The following SLC22A2 variants were observed in gnomAD, a reference collection of about 807,000 sequenced individuals.
SLC22A2 encodes organic cation transporter 2.
A neutral mutation model predicts 60.5 loss-of-function variants in SLC22A2; 46 were observed. The ratio of observed to expected loss-of-function variants is 0.76; its 90% CI spans 0.60 to 0.97. The LOEUF is 0.97. Among genes scored for constraint, SLC22A2 ranks in the 50% least tolerant of loss-of-function variants. The pLI is 0.00. For synonymous variants in SLC22A2, 303 were observed against 267.0 expected (o/e 1.13, Z -1.31); for missense variants, 701 against 706.6 (o/e 0.99, Z 0.09).
Position 160,242,288 on chromosome 6 carries a change from A to C in SLC22A2, c.1388+6T>G. On this transcript the variant is annotated splice_donor_region_variant and intron_variant, in intron 8 of 10. Transcript: ENST00000366953. ...ACCCTCGTCATTCTAAGGAAAATGC[A>C]CTCACCTAATGAATGTGGGGTACAG... The C allele has an allele frequency of 6.8e-7, 1 of 1,476,054 alleles. No individual in the cohort carries two copies. The highest frequency in any genetic ancestry group is 9.5e-7 in the Non-Finnish European group (1 of 1,053,736). The allele number at this position is 1,476,054 out of a possible 1,614,324, so 91.4% of individuals were successfully genotyped here.
intron 9 of SLC22A2, among the ~76,000 whole-genome samples, chr6:160,227,392 T>C (rs1276166290): frequency 6.6e-6 from 1 of 152,196 alleles, no homozygotes; most frequent in African/African-American, 2.4e-5. Flanking sequence ...AATCTTTGAA[T>C]CCACCTATGA....
In SLC22A2 at chr6:160,247,297, A is replaced by C. The variant is rs144729356; in HGVS notation, c.844T>G (p.Cys282Gly). ...AGCCACCTGGGAGACTCAGGTATGC[A>C]CCTAGGGTACAAGGTGAGCGGAGGG... ...PNFFFLLYYW[C>G]IPESPRWLIS... is the part of the protein sequence containing the mutation. The change falls in exon 5 of 11, where the codon TGC (cysteine) becomes GGC (glycine). Residue 282 changes from cysteine (C) to glycine (G), a missense_variant and splice_region_variant. By Grantham distance (159) the Cys-to-Gly change is radical. Transcript: ENST00000366953. 603 of 1,555,574 alleles carry C rather than the reference A, an allele frequency of 3.9e-4. No individual in the cohort carries two copies. Among genetic ancestry groups the C allele is most frequent in the Non-Finnish European group, 5.2e-4 (582 of 1,126,708 alleles).
Position 160,249,335 on chromosome 6 carries a change from G to A in SLC22A2, c.723C>T (p.Tyr241=), listed in dbSNP as rs780478130. 3 of 1,613,372 alleles carry A rather than the reference G, an allele frequency of 1.9e-6. No homozygotes were observed. Among genetic ancestry groups the A allele is most frequent in the Non-Finnish European group, 2.5e-6 (3 of 1,179,716 alleles). ...RRYRRTVGIF[Y]QVAYTVGLLV... is the part of the protein sequence containing the mutation. ...GGAGCCCAACTGTATAGGCAACTTG[G>A]TAAAAAATCCCCACTGTTCTCCGAT... The change falls in exon 4 of 11, where the codon TAC becomes TAT. Residue 241 remains tyrosine, a synonymous_variant. Transcript: ENST00000366953.
rs753492942 is a variant in SLC22A2 at position 160,243,780 on chromosome 6, C to T, written c.1071G>A (p.Thr357=). Residue 357 remains threonine, a synonymous_variant, in exon 7 of 11, where the codon ACG becomes ACA. Coordinates refer to ENST00000366953, the MANE Select transcript of SLC22A2 (RefSeq NM_003058.4). ...TGAGGCCCTGGTAGAGCACAGAGCT[C>T]GTGAACCTGAGCAAAGAGGAGAGTT... ...HTMILMYNWF[T]SSVLYQGLIM... The T allele has an allele frequency of 1.6e-5, 26 of 1,612,556 alleles. 2 individuals are homozygous for T. Among genetic ancestry groups the T allele is most frequent in the Admixed American group, 6.7e-5 (4 of 59,992 alleles).
In SLC22A2 at chr6:160,245,239, G is replaced by C. The variant is rs1433419643; in HGVS notation, c.1064+200C>G. ...GTGAAGCCGAGGTTGCCATTGCCTTGATCTGTGCTTAGGGGCTACACCGAT... is the reference window on the plus strand; with the variant it reads ...GTGAAGCCGAGGTTGCCATTGCCTTCATCTGTGCTTAGGGGCTACACCGAT... On this transcript the variant is annotated intron_variant, in intron 6 of 10. Transcript: ENST00000366953. 4 of 356,676 alleles carry C rather than the reference G, an allele frequency of 1.1e-5. No homozygotes were observed. In the East Asian group the frequency reaches 1.7e-4, roughly 15 times the overall value. 22.1% of individuals were successfully genotyped at this position (356,676 alleles called of 1,614,324 possible).
At chr6:160,233,156 T>C (rs1285101090) in intron 9 of SLC22A2, among the ~76,000 whole-genome samples, 1 of 152,022 alleles carries the variant, frequency 6.6e-6, no homozygotes, top group Non-Finnish European at 1.5e-5. Context: ...AAATTGACTT[T>C]ACTCACATGC....
chr6:160,242,669 C>T (rs1783029849), intron 7 of SLC22A2, among the ~76,000 whole-genome samples: 1 of 152,084 alleles, frequency 6.6e-6, no homozygotes, highest in Non-Finnish European at 1.5e-5. Context: ...GAGGAAGGTA[C>T]AGAGATTTCC....
intron 4 of SLC22A2, among the ~76,000 whole-genome samples, chr6:160,247,578 T>C (rs1583399520): frequency 6.6e-6 from 1 of 152,176 alleles, no homozygotes; most frequent in South Asian, 2.1e-4. Context: ...AGGGTGGCCC[T>C]GGGCTTTGCA....
intron 9 of SLC22A2, among the ~76,000 whole-genome samples, chr6:160,227,705 G>A (rs193249030): frequency 1.3e-5 from 2 of 152,306 alleles, no homozygotes. Context: ...CTTGAATAGG[G>A]ACTGGGTAAA....
In SLC22A2 at chr6:160,258,763, T is replaced by TG. The variant is rs756363312; in HGVS notation, c.-7dup. 8 of 1,535,984 alleles carry TG rather than the reference T, an allele frequency of 5.2e-6. No individual in the cohort carries two copies. In the East Asian group the frequency reaches 1.1e-4, roughly 22 times the overall value. On this transcript the variant is annotated 5_prime_UTR_variant, in exon 1 of 11. Coordinates refer to ENST00000366953, the MANE Select transcript of SLC22A2 (RefSeq NM_003058.4). ...TCGTCCACGGTGGTGGGCATGATCC[T>TG]GCAGGCAGGAGGGCCCGAGGCTGCC...
intron 2 of SLC22A2, among the ~76,000 whole-genome samples, chr6:160,255,627 T>C (rs1202443702): frequency 1.3e-5 from 2 of 152,134 alleles, no homozygotes; most frequent in Middle Eastern, 6.3e-3. Flanking sequence ...TTATATATAA[T>C]AATCTATAGT....
intron 9 of SLC22A2, among the ~76,000 whole-genome samples, chr6:160,234,086 A>G (rs557466355): frequency 6.6e-6 from 1 of 152,224 alleles, no homozygotes; most frequent in Admixed American, 6.5e-5. Context: ...CTCCTGGCTC[A>G]TCCTGGCTGA....
At chr6:160,222,014 A>C (rs1051708785) in intron 10 of SLC22A2, among the ~76,000 whole-genome samples, 3 of 152,214 alleles carry the variant, frequency 2.0e-5, no homozygotes, top group African/African-American at 7.2e-5. Context: ...AAAACACAAT[A>C]TCTGCAAAGC....
chr6:160,222,903 T>A (rs539391408), intron 10 of SLC22A2, among the ~76,000 whole-genome samples: 10 of 152,220 alleles, frequency 6.6e-5, no homozygotes, highest in South Asian at 2.1e-4. Context: ...TTTCCCACTT[T>A]AAAAAAATAC....
chr6:160,233,319 C>T (rs965572166), intron 9 of SLC22A2, among the ~76,000 whole-genome samples: 1 of 151,872 alleles, frequency 6.6e-6, no homozygotes, highest in East Asian at 1.9e-4. Context: ...CACCTCTATA[C>T]AGTCTGATAA....
chr6:160,233,464 T>A (rs887551455), intron 9 of SLC22A2, among the ~76,000 whole-genome samples: 11 of 151,514 alleles, frequency 7.3e-5, no homozygotes, highest in African/African-American at 2.7e-4. Context: ...AAAACACACC[T>A]CACGAAGCTC....
intron 9 of SLC22A2, among the ~76,000 whole-genome samples, chr6:160,230,457 C>T (rs955028990): frequency 2.0e-5 from 3 of 152,076 alleles, no homozygotes; most frequent in African/African-American, 7.3e-5. Context: ...GCCCTAGACC[C>T]TGAAGGGTCA....
intron 4 of SLC22A2, among the ~76,000 whole-genome samples, chr6:160,248,292 G>C (rs1771377844): frequency 6.6e-6 from 1 of 152,188 alleles, no homozygotes; most frequent in African/African-American, 2.4e-5. Flanking sequence ...ATGTCTGCAA[G>C]TCAGGAAGTG....
At chr6:160,258,254 G>T (rs957576743) in intron 1 of SLC22A2, 90 bp downstream of exon 1, 8 of 1,427,126 alleles carry the variant, frequency 5.6e-6, no homozygotes, top group Middle Eastern at 3.6e-4. Flanking sequence ...TCCAGGCAGG[G>T]TTTATAAGAG....
Sources: allele counts gnomAD v4.1 joint callset (sites outside exome capture counted in the v4.1 genomes callset), GRCh38; gene constraint gnomAD v4.1.1; transcripts MANE v1.5; gene names NCBI Gene and HGNC (gene_info 2026-07-23, HGNC 2026-07-21).